Variants in OR9Q1 observed in about 807,000 individuals in gnomAD.
The protein encoded by OR9Q1 is olfactory receptor family 9 subfamily Q member 1, also known as olfactory receptor 9Q1.
For missense variants in OR9Q1, 374 were observed against 378.8 expected, an observed-to-expected ratio of 0.99 and a Z score of 0.11; for synonymous variants, 153 against 148.6, an observed-to-expected ratio of 1.03 and a Z score of -0.22.
chr11:58,101,078 G>A (rs1853779133), intron 2 of OR9Q1, among the ~76,000 whole-genome samples: 1 of 151,892 alleles, frequency 6.6e-6, no homozygotes, highest in Non-Finnish European at 1.5e-5. Context: ...CAGTTAGATA[G>A]AATAATTAAC....
intron 2 of OR9Q1, among the ~76,000 whole-genome samples, chr11:58,101,277 T>G (rs1048364473): frequency 2.0e-5 from 3 of 152,148 alleles, no homozygotes; most frequent in Non-Finnish European, 2.9e-5. Flanking sequence ...ATTCCTTTTT[T>G]GCCACATCCA....
chr11:58,031,852 A>G (rs147651620), intron 1 of OR9Q1: 7 of 1,614,164 alleles, frequency 4.3e-6, no homozygotes, highest in Non-Finnish European at 5.9e-6. Context: ...GGAACAAGGA[A>G]GTGAAGGGAG....
chr11:58,147,755 C>T (rs1267203376), intron 2 of OR9Q1, among the ~76,000 whole-genome samples: 3 of 152,132 alleles, frequency 2.0e-5, no homozygotes, highest in African/African-American at 7.2e-5. Context: ...TTGCTATTTA[C>T]ATATATTAAT....
intron 1 of OR9Q1, among the ~76,000 whole-genome samples, chr11:58,024,930 A>G (rs897639117): frequency 3.9e-5 from 6 of 152,134 alleles, no homozygotes; most frequent in African/African-American, 1.4e-4. Flanking sequence ...GGAAAATGGC[A>G]CGGTGTGGAG....
chr11:58,112,530 C>T (rs915873216), intron 2 of OR9Q1, among the ~76,000 whole-genome samples: 2 of 152,084 alleles, frequency 1.3e-5, no homozygotes, highest in Admixed American at 1.3e-4. Flanking sequence ...GGACATGTCC[C>T]GTTGGACTTG....
At chr11:58,103,729 T>A (rs1853813246) in intron 2 of OR9Q1, among the ~76,000 whole-genome samples, 1 of 152,248 alleles carries the variant, frequency 6.6e-6, no homozygotes, top group South Asian at 2.1e-4. Flanking sequence ...TCTTTCAATT[T>A]ACTGGAGTAG....
chr11:58,054,544 G>A (rs917342952), intron 1 of OR9Q1, among the ~76,000 whole-genome samples: 2 of 152,110 alleles, frequency 1.3e-5, no homozygotes, highest in Non-Finnish European at 2.9e-5. Context: ...GTACATTTCT[G>A]TATCCCTCAT....
chr11:58,034,693 A>G (rs962988539), intron 1 of OR9Q1, among the ~76,000 whole-genome samples: 3 of 147,470 alleles, frequency 2.0e-5, no homozygotes, highest in Non-Finnish European at 4.5e-5. Context: ...GGGTGAAGAT[A>G]GAGCATGGAG....
At chr11:58,072,380 A>T (rs1424549236) in intron 2 of OR9Q1, 2 of 153,540 alleles carry the variant, frequency 1.3e-5, no homozygotes, top group Admixed American at 1.3e-4. Context: ...CTTAATTTTC[A>T]TTTCTGGCTG....
intron 1 of OR9Q1, among the ~76,000 whole-genome samples, chr11:58,053,613 ATAT>A (rs1342133063): frequency 3.2e-5 from 2 of 61,906 alleles, no homozygotes; most frequent in African/African-American, 1.0e-4. Context: ...AAATTAAAAA[ATAT>A]ATATATATAT....
intron 2 of OR9Q1, among the ~76,000 whole-genome samples, chr11:58,068,869 C>T (rs949161984): frequency 2.0e-5 from 3 of 151,982 alleles, no homozygotes; most frequent in Admixed American, 6.6e-5. Context: ...GAAGGGAGCA[C>T]CAGGGAGCGG....
At chr11:58,068,765 G>A (rs1442416680) in intron 2 of OR9Q1, among the ~76,000 whole-genome samples, 2 of 152,140 alleles carry the variant, frequency 1.3e-5, no homozygotes, top group African/African-American at 2.4e-5. Context: ...ACAGCATAGT[G>A]GTGTGAATAG....
chr11:58,113,951 T>C (rs1214871083), intron 2 of OR9Q1, among the ~76,000 whole-genome samples: 1 of 152,006 alleles, frequency 6.6e-6, no homozygotes, highest in African/African-American at 2.4e-5. Flanking sequence ...GAAGAGCTTC[T>C]GTGAAGAACT....
chr11:58,105,092 T>C (rs1853827442), intron 2 of OR9Q1, among the ~76,000 whole-genome samples: 1 of 150,244 alleles, frequency 6.7e-6, no homozygotes, highest in Non-Finnish European at 1.5e-5. Flanking sequence ...TTTTTTTTTT[T>C]GTAGTTTACA....
chr11:58,033,297 TGCACTTG>T (rs201466511), intron 1 of OR9Q1, among the ~76,000 whole-genome samples: 6,103 of 152,288 alleles, frequency 0.04, 127 homozygotes, highest in East Asian at 0.061. Flanking sequence ...AAATGACACA[TGCACTTG>T]TATGTTCATC....
At chr11:58,066,492 A>G (rs1304328632) in intron 2 of OR9Q1, among the ~76,000 whole-genome samples, 1 of 152,138 alleles carries the variant, frequency 6.6e-6, no homozygotes, top group Non-Finnish European at 1.5e-5. Flanking sequence ...CCCAAAAAGA[A>G]GGAAATTGAC....
chr11:58,109,323 G>A (rs1043858030), intron 2 of OR9Q1: 5 of 460,746 alleles, frequency 1.1e-5, no homozygotes, highest in Non-Finnish European at 2.2e-5. Context: ...CTGACAGCAG[G>A]TAACACTCTG....
chr11:58,085,546 A>T (rs895368909), intron 2 of OR9Q1, among the ~76,000 whole-genome samples: 1 of 151,688 alleles, frequency 6.6e-6, no homozygotes. Context: ...GTTGAGCAAA[A>T]ACTCCTTATT....
intron 2 of OR9Q1, among the ~76,000 whole-genome samples, chr11:58,170,192 G>A (rs1029660640): frequency 1.3e-5 from 2 of 152,074 alleles, no homozygotes; most frequent in Non-Finnish European, 2.9e-5. Context: ...AAAATGAGAC[G>A]AGGACTTGTA....
Sources: allele counts gnomAD v4.1 joint callset (sites outside exome capture counted in the v4.1 genomes callset), GRCh38; gene constraint gnomAD v4.1.1; transcripts MANE v1.5; gene names NCBI Gene and HGNC (gene_info 2026-07-23, HGNC 2026-07-21).